The following LGR6 variants were observed in gnomAD, a reference collection of about 807,000 sequenced individuals.
The protein encoded by LGR6 is leucine rich repeat containing G protein-coupled receptor 6.
LGR6 carries 45 observed loss-of-function variants against 69.4 expected under a neutral mutation model. That is an observed-to-expected ratio of 0.65 (90% CI 0.51 to 0.83). The LOEUF (loss-of-function observed/expected upper bound fraction) is 0.83. Among genes scored for constraint, LGR6 ranks in the 40% least tolerant of loss-of-function variants. The probability of loss-of-function intolerance (pLI) is 0.00; values close to 1 mark genes in which losing one functional copy is unlikely to be tolerated. For missense variants in LGR6, 1,108 were observed against 1,246.7 expected, an observed-to-expected ratio of 0.89 and a Z score of 1.68; for synonymous variants, 538 against 555.0, an observed-to-expected ratio of 0.97 and a Z score of 0.43.
At chr1:202,271,773 A>C (rs530304617) in intron 4 of LGR6, among the ~76,000 whole-genome samples, 2 of 143,914 alleles carry the variant, frequency 1.4e-5, no homozygotes, top group Admixed American at 1.5e-4. Context: ...GCACCATGGC[A>C]CTCCAGCCTG....
At chr1:202,308,155 A>G (rs975219781) in intron 14 of LGR6, among the ~76,000 whole-genome samples, 1 of 152,186 alleles carries the variant, frequency 6.6e-6, no homozygotes, top group African/African-American at 2.4e-5. Flanking sequence ...GAGGCCTCCA[A>G]GGCCCAGGAG....
intron 1 of LGR6, among the ~76,000 whole-genome samples, chr1:202,221,820 A>G (rs1027523603): frequency 3.3e-5 from 5 of 152,228 alleles, no homozygotes; most frequent in African/African-American, 7.2e-5. Context: ...GCACCCAAGG[A>G]TCAAGGTGTC....
intron 1 of LGR6, chr1:202,214,156 T>G: frequency 6.6e-7 from 1 of 1,507,978 alleles, no homozygotes; most frequent in Admixed American, 2.5e-5. Flanking sequence ...GGGGCCGGAA[T>G]GCGCTTGGAG....
intron 4 of LGR6, among the ~76,000 whole-genome samples, chr1:202,273,428 GC>G (rs1425280216): frequency 1.3e-5 from 2 of 151,878 alleles, no homozygotes; most frequent in African/African-American, 4.8e-5. Flanking sequence ...CCAGTGGGTT[GC>G]TGGGCCTTAT....
chr1:202,208,130 G>A (rs1409776055), intron 1 of LGR6, among the ~76,000 whole-genome samples: 1 of 152,144 alleles, frequency 6.6e-6, no homozygotes, highest in African/African-American at 2.4e-5. Flanking sequence ...GAGGAAGGAG[G>A]TGCTTCCAAA....
At chr1:202,214,001 C>T (rs1283955907) in intron 1 of LGR6, 6 of 969,240 alleles carry the variant, frequency 6.2e-6, no homozygotes, top group Non-Finnish European at 7.4e-6. Context: ...CTCTGATGAA[C>T]CAAATAGTTC....
chr1:202,209,998 T>G (rs896432985), intron 1 of LGR6, among the ~76,000 whole-genome samples: 12 of 152,370 alleles, frequency 7.9e-5, no homozygotes, highest in African/African-American at 2.6e-4. Flanking sequence ...ACATCACGGT[T>G]GATTTACTGC....
At chr1:202,211,510 T>C (rs1355711771) in intron 1 of LGR6, among the ~76,000 whole-genome samples, 1 of 152,058 alleles carries the variant, frequency 6.6e-6, no homozygotes. Flanking sequence ...TACAGGCATG[T>C]GCCACCACAC....
In LGR6 at chr1:202,314,890, G is replaced by A. The variant is rs754694406; in HGVS notation, c.1648+8G>A. The A allele has an allele frequency of 5.6e-6, 9 of 1,609,126 alleles. No individual in the cohort carries two copies. In the South Asian group the frequency reaches 8.8e-5, roughly 16 times the overall value. The stretch of plus-strand genomic sequence containing the variant: ...AGTGTAGCCCTACTCCAGGTGAGGT[G>A]GTGTCTGGGGAATGGGGACGAGGGG... On this transcript the variant is annotated splice_region_variant and intron_variant, in intron 17 of 17. Coordinates refer to ENST00000367278, the MANE Select transcript of LGR6 (RefSeq NM_001017403.2).
chr1:202,240,639 A>G (rs1385945069), intron 4 of LGR6, among the ~76,000 whole-genome samples: 5 of 152,082 alleles, frequency 3.3e-5, no homozygotes, highest in Non-Finnish European at 7.4e-5. Flanking sequence ...TTATGTTCTA[A>G]GTGTTTGGAA....
chr1:202,235,817 A>G, intron 3 of LGR6, 105 bp from the exon 4 acceptor site: 1 of 891,064 alleles, frequency 1.1e-6, no homozygotes, highest in Non-Finnish European at 1.8e-6. Flanking sequence ...TGGGGTGAGA[A>G]GGAGGGGTCT....
chr1:202,296,220 A>G (rs1048106203), intron 6 of LGR6, among the ~76,000 whole-genome samples: 6 of 151,996 alleles, frequency 3.9e-5, no homozygotes, highest in Non-Finnish European at 8.8e-5. Flanking sequence ...CTAGGGAGGG[A>G]TGCTGTAACT....
Position 202,197,616 on chromosome 1 carries a change from TA to T in LGR6, c.212+3428del, listed in dbSNP as rs35461426. ...TGTTCTATTCTTTTTTCTTTCTTCT[TA>T]AAAAAAAAAAAAGAAGACCAGTAAT... is the stretch of plus-strand genomic sequence containing the variant. On this transcript the variant is annotated intron_variant, in intron 1 of 17. Transcript: ENST00000367278. Among the ~76,000 whole-genome samples the T allele has an allele frequency of 3.6e-3, 523 of 144,430 alleles. 2 individuals carry two copies. Among genetic ancestry groups the T allele is most frequent in the African/African-American group, 9.7e-3 (381 of 39,142 alleles). The allele number at this position is 144,430 out of a possible 152,430, so 94.8% of individuals were successfully genotyped here.
chr1:202,235,408 T>C (rs571112701), intron 3 of LGR6, among the ~76,000 whole-genome samples: 1 of 152,276 alleles, frequency 6.6e-6, no homozygotes, highest in Admixed American at 6.5e-5. Context: ...CTGGAGTACT[T>C]CGAATTGTTC....
chr1:202,289,046 G>T (rs562195341), intron 6 of LGR6, among the ~76,000 whole-genome samples: 1 of 152,320 alleles, frequency 6.6e-6, no homozygotes, highest in South Asian at 2.1e-4. Flanking sequence ...AGGCTCTCCT[G>T]GGGAGGGTGG....
chr1:202,310,309 T>G lies in LGR6; in HGVS notation c.1519T>G (p.Ser507Ala). 1 of 1,613,016 alleles carries G rather than the reference T, an allele frequency of 6.2e-7. No individual in the cohort carries two copies. Among genetic ancestry groups the G allele is most frequent in the Non-Finnish European group, 8.5e-7 (1 of 1,179,754 alleles). Residue 507 changes from serine (S) to alanine (A), a missense_variant, in exon 16 of 18, where the codon TCT becomes GCT. Transcript: ENST00000367278. The part of the protein sequence containing the change: ...AEDLHLDDEE[S>A]SKRPLGLLAR... Reference sequence around the variant, plus strand: ...AGACCTTCACCTTGATGATGAGGAGTCTTCAAAAAGGCCCCTGGGCCTCCT... The same window carrying G: ...AGACCTTCACCTTGATGATGAGGAGGCTTCAAAAAGGCCCCTGGGCCTCCT...
chr1:202,312,001 G>C (rs1014845233), intron 16 of LGR6, among the ~76,000 whole-genome samples: 1 of 152,220 alleles, frequency 6.6e-6, no homozygotes, highest in Non-Finnish European at 1.5e-5. Flanking sequence ...GGACATTCCC[G>C]GATGTCTGCT....
intron 1 of LGR6, among the ~76,000 whole-genome samples, chr1:202,196,375 G>A (rs2147883701): frequency 6.6e-6 from 1 of 152,338 alleles, no homozygotes; most frequent in Middle Eastern, 3.4e-3. Context: ...AGAAGAGCCA[G>A]GGTGGGGAAG....
intron 4 of LGR6, among the ~76,000 whole-genome samples, chr1:202,271,820 A>AC (rs55717987): frequency 6.7e-6 from 1 of 150,000 alleles, no homozygotes; most frequent in Non-Finnish European, 1.5e-5. Flanking sequence ...AAAAAAAAAA[A>AC]AAAAAAAAAG....
Sources: allele counts gnomAD v4.1 joint callset (sites outside exome capture counted in the v4.1 genomes callset), GRCh38; gene constraint gnomAD v4.1.1; transcripts MANE v1.5; gene names NCBI Gene and HGNC (gene_info 2026-07-23, HGNC 2026-07-21).